The following CADM2 variants were observed in gnomAD, a reference collection of about 807,000 sequenced individuals.
CADM2 encodes cell adhesion molecule 2, also known as immunoglobulin superfamily member 4D.
In CADM2, 12 loss-of-function variants were observed where a neutral mutation model predicts 49.8. That is an observed-to-expected ratio of 0.24 (90% CI 0.15 to 0.39). The LOEUF (loss-of-function observed/expected upper bound fraction) is 0.39. Among genes scored for constraint, CADM2 ranks in the 10% least tolerant of loss-of-function variants. CADM2 has a pLI of 1.00. For missense variants in CADM2, 378 were observed against 492.3 expected (o/e 0.77, Z 2.20); for synonymous variants, 214 against 175.4 (o/e 1.22, Z -1.74).
chr3:85,943,629 C>T (rs578049591), intron 7 of CADM2, among the ~76,000 whole-genome samples: 10 of 152,026 alleles, frequency 6.6e-5, no homozygotes, highest in Admixed American at 3.9e-4. Flanking sequence ...GGAGGCATCA[C>T]GCTACCTGAC....
At position 86,071,890 on chromosome 3, in the gene CADM2, T is replaced by A. The variant is rs1703298092; in HGVS notation, c.*5107T>A. The stretch of plus-strand genomic sequence containing the variant: ...GGCAACACTTTGCGATCCAATCTGA[T>A]ATTTAATTTTTAAAATGTAACAATT... On this transcript the variant is annotated 3_prime_UTR_variant, in exon 10 of 10. Transcript: ENST00000383699. The A allele has an allele frequency of 6.6e-6, 1 of 152,044 alleles. No individual in the cohort carries two copies. The highest frequency in any genetic ancestry group is 6.6e-5 in the Admixed American group (1 of 15,230). The allele number at this position is 152,044 out of a possible 1,614,324, so 9.4% of individuals were successfully genotyped here. A position where few individuals can be genotyped will look rare whatever the true frequency, so the allele number is the denominator to read the frequency against.
intron 8 of CADM2, chr3:86,013,243 G>A (rs557936023): frequency 5.5e-6 from 8 of 1,453,742 alleles, no homozygotes; most frequent in Admixed American, 1.8e-5. Context: ...ACCAACAATA[G>A]CAATGCTCAG....
chr3:86,041,126 C>T (rs1478199557), intron 8 of CADM2, among the ~76,000 whole-genome samples: 1 of 152,336 alleles, frequency 6.6e-6, no homozygotes, highest in Non-Finnish European at 1.5e-5. Context: ...ACTGCAAAAA[C>T]ATGCCAAATT....
rs374970938 is a variant in CADM2, at chr3:85,737,388, C to A, written c.88+10840C>A. ...ACAAAGCTCATGTAAAAACTGCACACCTAAATTGTATATTCTAGTTGTTTC... is the reference window on the plus strand; with the variant it reads ...ACAAAGCTCATGTAAAAACTGCACAACTAAATTGTATATTCTAGTTGTTTC... On this transcript the variant is annotated intron_variant, in intron 2 of 9. Coordinates refer to ENST00000383699, the MANE Select transcript of CADM2 (RefSeq NM_001167675.2). Among the ~76,000 whole-genome samples the A allele has an allele frequency of 9.2e-5, 14 of 152,142 alleles. No homozygotes were observed. In the East Asian group the frequency reaches 2.7e-3, roughly 29 times the overall value.
At chr3:85,651,367 C>G (rs541051764) in intron 1 of CADM2, among the ~76,000 whole-genome samples, 3 of 152,062 alleles carry the variant, frequency 2.0e-5, no homozygotes, top group Non-Finnish European at 4.4e-5. Context: ...TTTGTGTATT[C>G]GTACTCCACC....
intron 6 of CADM2, among the ~76,000 whole-genome samples, chr3:85,922,036 T>G (rs1456623585): frequency 2.6e-5 from 4 of 152,298 alleles, no homozygotes; most frequent in Admixed American, 6.5e-5. Flanking sequence ...TGTCTTGAAG[T>G]TGGGTAGTGT....
At chr3:85,650,689 C>A (rs142230379) in intron 1 of CADM2, among the ~76,000 whole-genome samples, 163 of 151,698 alleles carry the variant, frequency 1.1e-3, no homozygotes, top group African/African-American at 3.2e-3. Flanking sequence ...TTTTAATAAG[C>A]CCATGAGCCC....
intron 1 of CADM2, among the ~76,000 whole-genome samples, chr3:85,568,463 C>G (rs112788259): frequency 1.5e-3 from 20 of 13,174 alleles, no homozygotes; most frequent in Admixed American, 2.1e-3. Flanking sequence ...TTCTTTCTTT[C>G]TCTTTCTCTC....
intron 1 of CADM2, among the ~76,000 whole-genome samples, chr3:85,609,042 C>G (rs909647733): frequency 6.6e-6 from 1 of 152,034 alleles, no homozygotes; most frequent in African/African-American, 2.4e-5. Context: ...CATTGTCACT[C>G]TGTTCTCCAG....
intron 8 of CADM2, chr3:85,993,426 C>T (rs1280100252): frequency 6.6e-6 from 1 of 152,142 alleles, no homozygotes; most frequent in African/African-American, 2.4e-5. Context: ...GTCTCAAAGT[C>T]ATCTATAAAG....
intron 1 of CADM2, among the ~76,000 whole-genome samples, chr3:84,978,874 A>G (rs989943093): frequency 6.6e-6 from 1 of 152,202 alleles, no homozygotes; most frequent in East Asian, 1.9e-4. Flanking sequence ...GTGGCACTTT[A>G]GATTTAAACA....
intron 1 of CADM2, among the ~76,000 whole-genome samples, chr3:85,350,387 A>G (rs1471592092): frequency 6.6e-6 from 1 of 152,182 alleles, no homozygotes; most frequent in Non-Finnish European, 1.5e-5. Flanking sequence ...ATTTATTTTG[A>G]CATGATTGCC....
intron 1 of CADM2, among the ~76,000 whole-genome samples, chr3:85,658,988 G>A (rs971757390): frequency 6.6e-6 from 1 of 150,736 alleles, no homozygotes; most frequent in Non-Finnish European, 1.5e-5. Flanking sequence ...GGAGCTTAAG[G>A]CTTCAGTGAA....
At chr3:85,195,673 CAT>C (rs1280813821) in intron 1 of CADM2, among the ~76,000 whole-genome samples, 3 of 151,832 alleles carry the variant, frequency 2.0e-5, no homozygotes, top group East Asian at 3.9e-4. Flanking sequence ...AATTTACATA[CAT>C]GTGTTAAAAA....
rs111548365 is a variant in CADM2, at chr3:85,026,998, T to C, written c.61+67330T>C. Among the ~76,000 whole-genome samples the C allele has an allele frequency of 4.4e-3, 663 of 152,080 alleles. 2 individuals are homozygous for C. Among genetic ancestry groups the C allele is most frequent in the African/African-American group, 0.014 (589 of 41,472 alleles). ...CTAGGCATTAGTTTTTCACGACATG[T>C]CTTTCTCTTAGTGCATCTTTTTCTA... On this transcript the variant is annotated intron_variant, in intron 1 of 9. Transcript: ENST00000383699.
At chr3:85,469,989 G>A (rs1438642155) in intron 1 of CADM2, among the ~76,000 whole-genome samples, 3 of 152,120 alleles carry the variant, frequency 2.0e-5, no homozygotes, top group African/African-American at 7.2e-5. Flanking sequence ...GATGCTGGAG[G>A]GAAGCGGAGT....
chr3:86,035,216 C>T (rs993304190), intron 8 of CADM2, among the ~76,000 whole-genome samples: 2 of 152,022 alleles, frequency 1.3e-5, no homozygotes, highest in Non-Finnish European at 2.9e-5. Flanking sequence ...CCCCATAGGT[C>T]GTGATCTCTC....
intron 1 of CADM2, among the ~76,000 whole-genome samples, chr3:85,632,107 G>T (rs2064329004): frequency 6.6e-6 from 1 of 151,996 alleles, no homozygotes; most frequent in Admixed American, 6.6e-5. Flanking sequence ...TGGTGGGAGG[G>T]GCCTGGTGGG....
At chr3:85,227,317 G>T (rs1478587656) in intron 1 of CADM2, among the ~76,000 whole-genome samples, 1 of 152,154 alleles carries the variant, frequency 6.6e-6, no homozygotes, top group East Asian at 1.9e-4. Context: ...CCTGTATAGG[G>T]TGCATATATA....
Sources: gnomAD v4.1 joint callset for allele counts (sites outside exome capture counted in the v4.1 genomes callset) on GRCh38, gnomAD v4.1.1 for gene constraint, MANE v1.5 for transcripts, NCBI Gene and HGNC (gene_info 2026-07-23, HGNC 2026-07-21) for gene names.